Variants in WRAP73 observed in about 807,000 individuals in gnomAD.
The protein encoded by WRAP73 is WD repeat containing, antisense to TP73.
WRAP73 carries 55 observed loss-of-function variants against 59.6 expected under a neutral mutation model. The observed-to-expected ratio is 0.92, with a 90% CI of 0.74 to 1.15. The LOEUF (loss-of-function observed/expected upper bound fraction) is 1.15. Ranked by LOEUF, WRAP73 falls within the 50% of genes most tolerant of loss-of-function variation. The pLI is 0.00. For missense variants in WRAP73, 592 were observed against 608.1 expected, an observed-to-expected ratio of 0.97 and a Z score of 0.28; for synonymous variants, 265 against 258.2, an observed-to-expected ratio of 1.03 and a Z score of -0.25.
In WRAP73 at chr1:3,631,515, G is replaced by A; in HGVS notation, c.1191C>T (p.Leu397=). ...TGCAGCCCGCTGGGGACCACAGGTA[G>A]AGCCTGCTGCCTCCCGTGCAGATGG... is the stretch of plus-strand genomic sequence containing the variant. The part of the protein sequence containing the change: ...RLAICTGGSR[L]YLWSPAGCMS... The change falls in exon 11 of 12, where the codon CTC becomes CTT. Residue 397 remains leucine, a synonymous_variant. Transcript: ENST00000270708. 6.2e-7 allele frequency: 1 copy of A among 1,609,944 alleles called. No individual in the cohort carries two copies. Among genetic ancestry groups the A allele is most frequent in the Admixed American group, 1.7e-5 (1 of 59,648 alleles).
chr1:3,634,793 C>G, intron 8 of WRAP73: 1 of 659,518 alleles, frequency 1.5e-6, no homozygotes. Context: ...GCAAGGCCCA[C>G]TTCAGACCCT....
intron 1 of WRAP73, 54 bp downstream of exon 1, chr1:3,649,877 G>T: frequency 6.5e-7 from 1 of 1,543,740 alleles, no homozygotes. Context: ...CCTGCCCGCC[G>T]GGGACGCTGG....
chr1:3,631,890 T>TG, intron 10 of WRAP73: 3 of 1,386,382 alleles, frequency 2.2e-6, no homozygotes, highest in Non-Finnish European at 2.8e-6. Flanking sequence ...TTGGTATTTT[T>TG]TTTTTTTTTT....
At chr1:3,642,684 C>A (rs1362106926) in intron 3 of WRAP73, among the ~76,000 whole-genome samples, 3 of 147,444 alleles carry the variant, frequency 2.0e-5, no homozygotes, top group African/African-American at 5.1e-5. Flanking sequence ...TTGCGGTGAG[C>A]TTGGATCACA....
intron 6 of WRAP73, 196 bp from the exon 7 acceptor site, chr1:3,635,490 G>T: frequency 2.8e-6 from 2 of 716,078 alleles, no homozygotes; most frequent in Non-Finnish European, 4.5e-6. Context: ...TGAGGAAAAA[G>T]GGGAAATTGG....
chr1:3,641,349 C>T (rs745408735), intron 3 of WRAP73, among the ~76,000 whole-genome samples: 12 of 152,064 alleles, frequency 7.9e-5, no homozygotes, highest in South Asian at 2.1e-4. Flanking sequence ...ACACTCAAGA[C>T]GGGAGGAACA....
chr1:3,635,137 G>A (rs774094484), intron 7 of WRAP73, 23 bp downstream of exon 7: 1 of 1,614,148 alleles, frequency 6.2e-7, no homozygotes, highest in Admixed American at 1.7e-5. Flanking sequence ...CGGACTTCCT[G>A]AGTGCCCTGC....
Position 3,649,966 on chromosome 1 carries a change from A to C in WRAP73, c.34T>G (p.Leu12Val). 6.2e-7 allele frequency: 1 copy of C among 1,603,734 alleles called. No homozygotes were observed. The highest frequency in any genetic ancestry group is 2.3e-5 in the East Asian group (1 of 44,026). Reference protein sequence around the residue: ...NFSEVFKLSSLLCKFSPDGKY... With the variant: ...NFSEVFKLSSVLCKFSPDGKY... ...CCGTCCGGGGAGAACTTGCAGAGTAAGCTGGAGAGCTTGAATACCTCGGAG... is the reference window on the plus strand; with the variant it reads ...CCGTCCGGGGAGAACTTGCAGAGTACGCTGGAGAGCTTGAATACCTCGGAG... The change falls in exon 1 of 12, where the codon TTA (leucine) becomes GTA (valine). Residue 12 changes from leucine (L) to valine (V), a missense_variant. Physicochemically the swap from Leu to Val is conservative, Grantham distance 32. Transcript: ENST00000270708.
chr1:3,636,145 A>C (rs1385772485), intron 5 of WRAP73, 115 bp from the exon 6 acceptor site: 3 of 750,510 alleles, frequency 4.0e-6, no homozygotes, highest in African/African-American at 1.7e-5. Context: ...AAATTGACAA[A>C]ATCTCAACAG....
At position 3,634,988 on chromosome 1, in the gene WRAP73, C is replaced by G. The variant is rs764452400; in HGVS notation, c.816+9G>C. 1.2e-6 allele frequency: 2 copies of G among 1,614,174 alleles called. No homozygotes were observed. The highest frequency in any genetic ancestry group is 8.5e-7 in the Non-Finnish European group (1 of 1,180,034). On this transcript the variant is annotated intron_variant, in intron 8 of 11. Coordinates refer to ENST00000270708, the MANE Select transcript of WRAP73 (RefSeq NM_017818.4). ...CCTGCTCAGGCAGAAACACGTGTTC[C>G]AGACTTACTATCTTGGGATCATTAA...
In WRAP73 at chr1:3,635,022, G is replaced by C. The variant is rs747354424; in HGVS notation, c.791C>G (p.Pro264Arg). 1 of 1,614,210 alleles carries C rather than the reference G, an allele frequency of 6.2e-7. No homozygotes were observed. Among genetic ancestry groups the C allele is most frequent in the East Asian group, 2.2e-5 (1 of 44,878 alleles). ...TATCTTGGGATCATTAATGGCTGCA[G>C]GATGCCCAAACTCCGTGATCATTTT... ...TWKMITEFGH[P>R]AAINDPKIVV... The change falls in exon 8 of 12, where the codon CCT becomes CGT. Residue 264 changes from proline to arginine, a missense_variant. Coordinates refer to ENST00000270708, the MANE Select transcript of WRAP73 (RefSeq NM_017818.4).
rs776582305 is a variant in WRAP73, at chr1:3,635,263, C to T, written c.635G>A (p.Arg212Gln). The T allele has an allele frequency of 3.1e-5, 50 of 1,613,858 alleles. No homozygotes were observed. Among genetic ancestry groups the T allele is most frequent in the Non-Finnish European group, 4.0e-5 (47 of 1,180,054 alleles). Residue 212 changes from arginine to glutamine, a missense_variant, in exon 7 of 12, where the codon CGG (arginine) becomes CAG (glutamine). By Grantham distance (43) the Arg-to-Gln change is conservative. Transcript: ENST00000270708. ...YKILLYSLDG[R>Q]LLSTYSAYEW... Reference sequence around the variant, plus strand: ...GTAAGCGCTGTACGTGGACAACAACCGGCCATCCAATGAGTACAGCAGAAT... The same window carrying T: ...GTAAGCGCTGTACGTGGACAACAACTGGCCATCCAATGAGTACAGCAGAAT...
intron 4 of WRAP73, 38 bp downstream of exon 4, chr1:3,638,712 G>T (rs755211168): frequency 1.2e-6 from 2 of 1,611,818 alleles, no homozygotes; most frequent in Admixed American, 3.3e-5. Context: ...TCAAACAGCT[G>T]CAAAGAAATG....
intron 4 of WRAP73, 22 bp from the exon 5 acceptor site, chr1:3,637,120 C>T: frequency 6.3e-7 from 1 of 1,585,894 alleles, no homozygotes; most frequent in African/African-American, 1.3e-5. Flanking sequence ...GGCAAATGCA[C>T]TGAAATCAAG....
intron 6 of WRAP73, chr1:3,635,499 G>C: frequency 1.5e-6 from 1 of 682,548 alleles, no homozygotes; most frequent in Non-Finnish European, 2.4e-6. Flanking sequence ...AGGGGAAATT[G>C]GGAGGTCAAC....
chr1:3,631,922 AC>A (rs1440776692), intron 10 of WRAP73: 2 of 1,381,816 alleles, frequency 1.4e-6, no homozygotes, highest in East Asian at 5.4e-5. Context: ...AAATGGAGAA[AC>A]CCTTAACAAA....
Position 3,646,808 on chromosome 1 carries a change from A to T in WRAP73, c.223-26T>A, listed in dbSNP as rs1644695977. On this transcript the variant is annotated intron_variant, in intron 2 of 11. Transcript: ENST00000270708. The surrounding 1 kb of genome is among the most constrained non-coding windows in gnomAD (Gnocchi z 5.1). ...CTGGATTGAGAGAAGAAAGAAACAC[A>T]CAAGTGCAAACTCATCAGCACCGAG... 3.1e-6 allele frequency: 5 copies of T among 1,589,052 alleles called. No homozygotes were observed. The South Asian group carries it at 4.4e-5, about 14-fold the overall frequency.
Position 3,631,590 on chromosome 1 carries a change from C to T in WRAP73, c.1116G>A (p.Gln372=). 6.2e-7 allele frequency: 1 copy of T among 1,608,532 alleles called. No homozygotes were observed. ...QKLRLFAVLE[Q]LSPVRAFQWD... ...ACTGAAATGCGCGCACTGGGGACAGCTGCTCGAGCACCGCGAACAGCCTCA... is the reference window on the plus strand; with the variant it reads ...ACTGAAATGCGCGCACTGGGGACAGTTGCTCGAGCACCGCGAACAGCCTCA... The change falls in exon 11 of 12, where the codon CAG becomes CAA. Residue 372 remains glutamine (Q), a synonymous_variant. Transcript: ENST00000270708.
At chr1:3,647,335 C>A in intron 2 of WRAP73, 73 bp downstream of exon 2, 2 of 1,437,088 alleles carry the variant, frequency 1.4e-6, no homozygotes, top group Non-Finnish European at 9.2e-7. Flanking sequence ...ACTAGAAAGG[C>A]ACAGAACAAA....
Sources: gnomAD v4.1 joint callset for allele counts (sites outside exome capture counted in the v4.1 genomes callset) on GRCh38, gnomAD v4.1.1 for gene constraint, Gnocchi (gnomAD v3.1) non-coding constraint, MANE v1.5 for transcripts, NCBI Gene and HGNC (gene_info 2026-07-23, HGNC 2026-07-21) for gene names.